Variants in TNNI3K observed in about 807,000 individuals in gnomAD.
TNNI3K encodes the protein TNNI3 interacting kinase, also known as serine/threonine-protein kinase TNNI3K.
TNNI3K carries 140 observed loss-of-function variants against 114.5 expected under a neutral mutation model. That is an observed-to-expected ratio of 1.22 (90% confidence interval 1.07 to 1.41). The LOEUF (loss-of-function observed/expected upper bound fraction) is 1.41. Ranked by LOEUF, TNNI3K falls within the 40% of genes most tolerant of loss-of-function variation. TNNI3K has a pLI of 0.00. For synonymous variants in TNNI3K, 347 were observed against 347.5 expected (o/e 1.00, Z 0.02); for missense variants, 1,125 against 1,007.6 (o/e 1.12, Z -1.58).
chr1:74,474,422 C>T (rs1396054170), intron 21 of TNNI3K, among the ~76,000 whole-genome samples: 5 of 152,062 alleles, frequency 3.3e-5, no homozygotes, highest in South Asian at 2.1e-4. Flanking sequence ...TTATAACATA[C>T]GTGAAATAAC....
intron 5 of TNNI3K, among the ~76,000 whole-genome samples, chr1:74,322,416 A>G (rs1659664431): frequency 6.7e-6 from 1 of 148,998 alleles, no homozygotes; most frequent in Non-Finnish European, 1.5e-5. Context: ...TCTCATCTTT[A>G]CTTATCACCA....
chr1:74,448,372 A>G (rs1318958253), intron 20 of TNNI3K, among the ~76,000 whole-genome samples: 2 of 147,806 alleles, frequency 1.4e-5, no homozygotes, highest in East Asian at 1.9e-4. Flanking sequence ...GGCTGAGACA[A>G]TGGGGTTTTC....
intron 21 of TNNI3K, among the ~76,000 whole-genome samples, chr1:74,467,016 C>T (rs141661336): frequency 1.8e-3 from 267 of 152,212 alleles, no homozygotes; most frequent in African/African-American, 6.2e-3. Flanking sequence ...CAATACTACT[C>T]GCAAGTTGGG....
intron 23 of TNNI3K, among the ~76,000 whole-genome samples, chr1:74,503,630 A>G (rs987098050): frequency 6.6e-6 from 1 of 152,124 alleles, no homozygotes; most frequent in East Asian, 1.9e-4. Context: ...AATTTTTATG[A>G]CATGCACTTC....
chr1:74,342,812 A>G, intron 7 of TNNI3K, 30 bp from the exon 8 acceptor site: 1 of 1,612,248 alleles, frequency 6.2e-7, no homozygotes, highest in Non-Finnish European at 8.5e-7. Flanking sequence ...ATTCTAGATA[A>G]CATATCTTTT....
intron 5 of TNNI3K, among the ~76,000 whole-genome samples, chr1:74,310,268 G>A (rs1658908450): frequency 6.6e-6 from 1 of 152,054 alleles, no homozygotes; most frequent in Admixed American, 6.5e-5. Flanking sequence ...TAACCAAGAA[G>A]GTGAAAGATA....
chr1:74,398,885 A>T (rs535395261), intron 17 of TNNI3K, among the ~76,000 whole-genome samples: 2 of 152,200 alleles, frequency 1.3e-5, no homozygotes, highest in South Asian at 2.1e-4. Flanking sequence ...AAGGCTGAGT[A>T]TGGTGGCTCA....
chr1:74,358,431 A>G (rs537551297), intron 11 of TNNI3K, among the ~76,000 whole-genome samples: 2 of 152,182 alleles, frequency 1.3e-5, no homozygotes, highest in African/African-American at 2.4e-5. Context: ...TAGTAAATGT[A>G]CTATAGTGTA....
chr1:74,447,869 A>C (rs1302653317), intron 20 of TNNI3K, among the ~76,000 whole-genome samples: 4 of 3,514 alleles, frequency 1.1e-3, no homozygotes, highest in Non-Finnish European at 2.2e-3. Context: ...CCAAATGTCC[A>C]ACAATGATAG....
chr1:74,390,111 T>C (rs1217185596), intron 17 of TNNI3K, among the ~76,000 whole-genome samples: 2 of 152,114 alleles, frequency 1.3e-5, no homozygotes, highest in African/African-American at 4.8e-5. Flanking sequence ...AAGAATGAGT[T>C]TGAGAAAAAT....
intron 5 of TNNI3K, among the ~76,000 whole-genome samples, chr1:74,319,994 C>T (rs1047626924): frequency 4.6e-5 from 7 of 152,172 alleles, no homozygotes; most frequent in African/African-American, 1.7e-4. Context: ...CTGCCATTTC[C>T]TAGCCATGTG....
At chr1:74,416,325 C>T (rs1281489056) in intron 17 of TNNI3K, 5 of 985,156 alleles carry the variant, frequency 5.1e-6, no homozygotes, top group Non-Finnish European at 6.0e-6. Flanking sequence ...AAAAAGGGAC[C>T]TTAGTGACGG....
chr1:74,474,451 C>A (rs764578441), intron 21 of TNNI3K, among the ~76,000 whole-genome samples: 19 of 152,070 alleles, frequency 1.2e-4, no homozygotes, highest in Non-Finnish European at 2.2e-4. Flanking sequence ...TTATTCTTAT[C>A]CAGTCGCCCC....
chr1:74,376,306 A>C (rs1570543346), intron 17 of TNNI3K, among the ~76,000 whole-genome samples: 2 of 152,126 alleles, frequency 1.3e-5, no homozygotes, highest in East Asian at 3.9e-4. Context: ...TAAAATAAAC[A>C]AATTGTTAAT....
At chr1:74,462,330 T>C (rs960790642) in intron 20 of TNNI3K, among the ~76,000 whole-genome samples, 1 of 152,126 alleles carries the variant, frequency 6.6e-6, no homozygotes, top group Non-Finnish European at 1.5e-5. Flanking sequence ...TCAAAAGTCA[T>C]TAAGATATAG....
At chr1:74,291,792 A>G (rs1657692789) in intron 5 of TNNI3K, among the ~76,000 whole-genome samples, 2 of 151,532 alleles carry the variant, frequency 1.3e-5, no homozygotes, top group Admixed American at 6.6e-5. Flanking sequence ...TGCCTTCAGT[A>G]TTTAAGTGCT....
intron 2 of TNNI3K, among the ~76,000 whole-genome samples, chr1:74,243,935 G>T (rs1654396949): frequency 6.6e-6 from 1 of 152,030 alleles, no homozygotes; most frequent in Admixed American, 6.6e-5. Context: ...TGAGCTTAGG[G>T]TATTAGAATA....
chr1:74,421,540 C>T (rs1414561888), intron 17 of TNNI3K, among the ~76,000 whole-genome samples: 1 of 152,064 alleles, frequency 6.6e-6, no homozygotes, highest in Non-Finnish European at 1.5e-5. Context: ...GTGGTAAAGT[C>T]TAAATCTTTT....
chr1:74,382,946 A>G (rs1663276182), intron 17 of TNNI3K, among the ~76,000 whole-genome samples: 3 of 152,142 alleles, frequency 2.0e-5, no homozygotes, highest in African/African-American at 7.2e-5. Flanking sequence ...GGAATGGAGC[A>G]CATTTTAATA....
Sources: allele counts gnomAD v4.1 joint callset (sites outside exome capture counted in the v4.1 genomes callset), GRCh38; gene constraint gnomAD v4.1.1; transcripts MANE v1.5; gene names NCBI Gene and HGNC (gene_info 2026-07-23, HGNC 2026-07-21).